The following CLSTN2 variants were observed in gnomAD, a reference collection of about 807,000 sequenced individuals.
CLSTN2 encodes calsyntenin 2.
Under a neutral mutation model 101.2 loss-of-function variants are expected in CLSTN2, and 48 were observed. The observed-to-expected ratio is 0.47, with a 90% CI of 0.38 to 0.60. CLSTN2 has a LOEUF of 0.60. Ranked by LOEUF, CLSTN2 falls within the 20% of genes least tolerant of loss-of-function variation. The pLI, the probability that CLSTN2 is intolerant of heterozygous loss-of-function variation, is 0.00. For missense variants in CLSTN2, 1,160 were observed against 1,238.2 expected, an observed-to-expected ratio of 0.94 and a Z score of 0.95; for synonymous variants, 481 against 463.6, an observed-to-expected ratio of 1.04 and a Z score of -0.48.
intron 2 of CLSTN2, among the ~76,000 whole-genome samples, chr3:140,309,702 C>CCCCACGTGCCCTACCAGAAATTATT (rs2087146695): frequency 1.3e-5 from 2 of 152,038 alleles, no homozygotes; most frequent in African/African-American, 4.8e-5. Flanking sequence ...CAAGAGTCAC[C>CCCCACGTGCCCTACCAGAAATTATT]CCCACGTGCC....
intron 2 of CLSTN2, among the ~76,000 whole-genome samples, chr3:140,240,815 G>A (rs1008312269): frequency 6.6e-6 from 1 of 152,114 alleles, no homozygotes; most frequent in African/African-American, 2.4e-5. Context: ...CTGCAGCTGG[G>A]GTAAAAGAAG....
intron 2 of CLSTN2, among the ~76,000 whole-genome samples, chr3:140,250,990 A>C (rs565640676): frequency 6.6e-6 from 1 of 152,160 alleles, no homozygotes; most frequent in African/African-American, 2.4e-5. Flanking sequence ...TCTTTTCCTC[A>C]CTGACTGGTT....
chr3:140,387,089 T>A (rs1576543907), intron 2 of CLSTN2, among the ~76,000 whole-genome samples: 1 of 152,118 alleles, frequency 6.6e-6, no homozygotes, highest in African/African-American at 2.4e-5. Flanking sequence ...GTCAGGGAGA[T>A]GAGATGAGGA....
chr3:139,950,873 CTG>C (rs3033888), intron 1 of CLSTN2, among the ~76,000 whole-genome samples: 12 of 152,200 alleles, frequency 7.9e-5, no homozygotes, highest in Non-Finnish European at 1.5e-4. Flanking sequence ...ACGTGAATCA[CTG>C]TGAATTCAAC....
At chr3:140,180,247 A>C (rs1001242492) in intron 2 of CLSTN2, among the ~76,000 whole-genome samples, 4 of 152,248 alleles carry the variant, frequency 2.6e-5, no homozygotes, top group Non-Finnish European at 5.9e-5. Flanking sequence ...CCAGAATCCC[A>C]GAACAGGCTA....
chr3:140,421,214 G>A lies in CLSTN2; in HGVS notation c.727G>A (p.Ala243Thr), dbSNP rs562045415. Residue 243 changes from alanine to threonine, a missense_variant, in exon 5 of 17, where the codon GCT (alanine) becomes ACT (threonine). Physicochemically the swap from Ala to Thr is moderately conservative, Grantham distance 58. Coordinates refer to ENST00000458420, the MANE Select transcript of CLSTN2 (RefSeq NM_022131.3). ...VTAYDCGQKP[A>T]AQDTLVQVDV... is the part of the protein sequence containing the mutation. ...CGCCTACGACTGTGGACAGAAGCCCGCTGCTCAGGACACCCTGGTGCAGGT... is the reference window on the plus strand; with the variant it reads ...CGCCTACGACTGTGGACAGAAGCCCACTGCTCAGGACACCCTGGTGCAGGT... 71 of 1,614,164 alleles carry A rather than the reference G, an allele frequency of 4.4e-5. No homozygotes were observed. In the South Asian group the frequency reaches 4.8e-4, roughly 11 times the overall value.
At chr3:140,407,957 G>A (rs903994369) in intron 4 of CLSTN2, among the ~76,000 whole-genome samples, 6 of 152,106 alleles carry the variant, frequency 3.9e-5, no homozygotes, top group Non-Finnish European at 7.4e-5. Context: ...CGAAGTATGG[G>A]GCGATGTCAG....
chr3:140,538,984 G>A (rs1350880737), intron 9 of CLSTN2, among the ~76,000 whole-genome samples: 1 of 152,164 alleles, frequency 6.6e-6, no homozygotes, highest in Non-Finnish European at 1.5e-5. Flanking sequence ...TCAATCTTAT[G>A]CAGCCATAGA....
chr3:140,234,226 G>A (rs2086396360), intron 2 of CLSTN2, among the ~76,000 whole-genome samples: 1 of 152,130 alleles, frequency 6.6e-6, no homozygotes, highest in Admixed American at 6.5e-5. Context: ...GTTTTTGTAA[G>A]TACTTTCATG....
chr3:140,363,958 G>A (rs1350181797), intron 2 of CLSTN2, among the ~76,000 whole-genome samples: 1 of 152,224 alleles, frequency 6.6e-6, no homozygotes, highest in Non-Finnish European at 1.5e-5. Flanking sequence ...AAACCAAGAG[G>A]TGATAAGTTA....
At chr3:140,037,716 G>A (rs1371833041) in intron 1 of CLSTN2, among the ~76,000 whole-genome samples, 1 of 151,946 alleles carries the variant, frequency 6.6e-6, no homozygotes, top group African/African-American at 2.4e-5. Context: ...CCCACTGACT[G>A]GCCTCAATGT....
chr3:140,111,618 C>A (rs2009157426), intron 1 of CLSTN2, among the ~76,000 whole-genome samples: 1 of 151,976 alleles, frequency 6.6e-6, no homozygotes, highest in African/African-American at 2.4e-5. Context: ...CCCCGAGCTC[C>A]TGATCGACAA....
intron 1 of CLSTN2, among the ~76,000 whole-genome samples, chr3:140,044,757 C>T (rs1279968726): frequency 3.3e-5 from 5 of 152,104 alleles, no homozygotes; most frequent in African/African-American, 7.2e-5. Context: ...TGAATTTTGT[C>T]GAAGGCCTTT....
chr3:140,498,569 T>A lies in CLSTN2; in HGVS notation c.1344+31838T>A, dbSNP rs185784615. 3.3e-5 allele frequency among the ~76,000 whole-genome samples: 5 copies of A among 152,374 alleles called. No homozygotes were observed. In the East Asian group the frequency reaches 9.6e-4, roughly 29 times the overall value. ...GACTACTATTTCTTTTTAAAAGAAA[T>A]CTTGTATTGATTTTATTTTCACACG... On this transcript the variant is annotated intron_variant, in intron 8 of 16. Transcript: ENST00000458420.
intron 1 of CLSTN2, among the ~76,000 whole-genome samples, chr3:140,127,006 G>A (rs944238285): frequency 7.6e-6 from 1 of 131,062 alleles, no homozygotes; most frequent in Non-Finnish European, 1.6e-5. Flanking sequence ...TTATCACTAT[G>A]TGTCATTATA....
rs59949679 is a variant in CLSTN2, at chr3:140,404,876, C to A, written c.637+110C>A. 6,127 of 918,944 alleles carry A rather than the reference C, an allele frequency of 6.7e-3. 233 individuals carry two copies. The African/African-American group carries it at 0.087, about 13-fold the overall frequency. 56.9% of individuals were successfully genotyped at this position (918,944 alleles called of 1,614,324 possible). A position where few individuals can be genotyped will look rare whatever the true frequency, so the allele number is the denominator to read the frequency against. On this transcript the variant is annotated intron_variant, in intron 4 of 16. Coordinates refer to ENST00000458420, the MANE Select transcript of CLSTN2 (RefSeq NM_022131.3). ...TGCTTGGCAAGTTATGCCTTTCTTG[C>A]CATGTTTGGTCTAAGCTCCATAACC...
intron 2 of CLSTN2, among the ~76,000 whole-genome samples, chr3:140,291,401 C>A (rs531005702): frequency 5.0e-4 from 76 of 151,976 alleles, no homozygotes; most frequent in African/African-American, 1.7e-3. Context: ...CCCTCCCCCC[C>A]CAACTTTCTG....
chr3:140,104,415 T>C (rs1433714051), intron 1 of CLSTN2, among the ~76,000 whole-genome samples: 1 of 152,224 alleles, frequency 6.6e-6, no homozygotes, highest in African/African-American at 2.4e-5. Context: ...GGTTCTTTGT[T>C]TGGTGCCAAC....
chr3:140,133,864 G>A (rs965146411), intron 1 of CLSTN2, among the ~76,000 whole-genome samples: 1 of 152,196 alleles, frequency 6.6e-6, no homozygotes, highest in African/African-American at 2.4e-5. Flanking sequence ...TGAGCATGGA[G>A]AAACTTGCTG....
Sources: gnomAD v4.1 joint callset for allele counts (sites outside exome capture counted in the v4.1 genomes callset) on GRCh38, gnomAD v4.1.1 for gene constraint, MANE v1.5 for transcripts, NCBI Gene and HGNC (gene_info 2026-07-23, HGNC 2026-07-21) for gene names.